ANK3: variants seen among roughly 807,000 people sequenced by gnomAD.
The protein encoded by ANK3 is ankyrin-3.
In ANK3, 57 loss-of-function variants were observed where a neutral mutation model predicts 370.9. The ratio of observed to expected loss-of-function variants is 0.15; its 90% CI spans 0.12 to 0.19. The LOEUF (loss-of-function observed/expected upper bound fraction) is 0.19, where lower values mean the gene tolerates loss of function less well. Ranked by LOEUF, ANK3 falls within the 10% of genes least tolerant of loss-of-function variation. The pLI is 1.00. For synonymous variants in ANK3, 1,929 were observed against 1,946.3 expected (o/e 0.99, Z 0.23); for missense variants, 4,439 against 5,302.1 (o/e 0.84, Z 5.06).
intron 1 of ANK3, among the ~76,000 whole-genome samples, chr10:60,644,900 A>AAAAC (rs954827337): frequency 6.6e-6 from 1 of 151,014 alleles, no homozygotes; most frequent in Non-Finnish European, 1.5e-5. Context: ...TAAAAAAAAA[A>AAAAC]AAAACGATGA....
In ANK3 at chr10:60,186,664, G is replaced by A. The variant is rs375201811; in HGVS notation, c.2085+51C>T. 2.5e-5 allele frequency: 39 copies of A among 1,563,276 alleles called. No homozygotes were observed. The African/African-American group carries it at 5.1e-4, about 21-fold the overall frequency. On this transcript the variant is annotated intron_variant, in intron 17 of 43. Coordinates refer to ENST00000280772, the MANE Select transcript of ANK3 (RefSeq NM_020987.5). Reference sequence around the variant, plus strand: ...TGTGAATTCTTAGTGACCTTTCTGAGGGGTGAGGTTTTGGTGTGCTGCATG... The same window carrying A: ...TGTGAATTCTTAGTGACCTTTCTGAAGGGTGAGGTTTTGGTGTGCTGCATG...
chr10:60,147,749 C>G (rs10994222), intron 23 of ANK3, among the ~76,000 whole-genome samples: 9,548 of 152,232 alleles, frequency 0.063, 479 homozygotes, highest in East Asian at 0.23. Context: ...ACTGGCTCCC[C>G]CTTTGCCTTC....
At chr10:60,041,493 A>G (rs1379734945) in intron 43 of ANK3, among the ~76,000 whole-genome samples, 1 of 152,180 alleles carries the variant, frequency 6.6e-6, no homozygotes, top group East Asian at 1.9e-4. Context: ...AATTTATTTA[A>G]CCACTTTGGG....
intron 2 of ANK3, among the ~76,000 whole-genome samples, chr10:60,602,486 C>T (rs947635912): frequency 6.6e-6 from 1 of 152,028 alleles, no homozygotes; most frequent in Non-Finnish European, 1.5e-5. Context: ...TGGAATTATC[C>T]CCAAGGATAC....
chr10:60,148,859 A>T (rs1326166643), intron 23 of ANK3, among the ~76,000 whole-genome samples: 1 of 152,224 alleles, frequency 6.6e-6, no homozygotes, highest in African/African-American at 2.4e-5. Context: ...AGGTGGCAGT[A>T]TCATGACAGC....
intron 1 of ANK3, among the ~76,000 whole-genome samples, chr10:60,712,630 A>G (rs1418492292): frequency 1.3e-5 from 2 of 152,182 alleles, no homozygotes; most frequent in African/African-American, 4.8e-5. Flanking sequence ...TTTAAACACA[A>G]AGGGTTTAAA....
At chr10:60,571,055 G>GTTTTTT (rs35835220) in intron 2 of ANK3, among the ~76,000 whole-genome samples, 1 of 133,554 alleles carries the variant, frequency 7.5e-6, no homozygotes. Flanking sequence ...AACCTGACAG[G>GTTTTTT]TTTTTTTTTT....
chr10:60,086,739 CCTT>C lies in ANK3; in HGVS notation c.3683_3685del (p.Glu1228del), dbSNP rs1564907199. On this transcript the variant is annotated inframe_deletion, in exon 30 of 44. Transcript: ENST00000280772. The stretch of plus-strand genomic sequence containing the variant: ...GTCCCCTTTGTATCCATTGGATACA[CCTT>C]CTCCTGAGGGCGGGGGCACCGGAAT... 13 of 1,613,848 alleles carry C rather than the reference CCTT, an allele frequency of 8.1e-6. No homozygotes were observed. The highest frequency in any genetic ancestry group is 1.1e-5 in the Non-Finnish European group (13 of 1,179,902).
intron 25 of ANK3, among the ~76,000 whole-genome samples, chr10:60,118,011 T>C (rs1430848072): frequency 6.6e-6 from 1 of 152,068 alleles, no homozygotes; most frequent in Non-Finnish European, 1.5e-5. Context: ...GGGAAGTCAA[T>C]AAATAATTCC....
intron 7 of ANK3, among the ~76,000 whole-genome samples, chr10:60,250,479 C>T (rs565460357): frequency 2.4e-4 from 36 of 152,314 alleles, no homozygotes; most frequent in African/African-American, 8.4e-4. Flanking sequence ...ATTCTCCTGC[C>T]TCAGCCTCCC....
intron 23 of ANK3, among the ~76,000 whole-genome samples, chr10:60,165,975 A>G (rs1215477960): frequency 6.6e-6 from 1 of 152,248 alleles, no homozygotes; most frequent in African/African-American, 2.4e-5. Flanking sequence ...ATATATCTGT[A>G]TATCATGACC....
intron 1 of ANK3, among the ~76,000 whole-genome samples, chr10:60,684,259 G>T (rs1024435758): frequency 6.6e-6 from 1 of 152,196 alleles, no homozygotes; most frequent in African/African-American, 2.4e-5. Flanking sequence ...TGGAGCTGCC[G>T]GACAACCACC....
rs146701409 is a variant in ANK3 at position 60,128,018 on chromosome 10, T to C, written c.2841+6253A>G. ...GGCCAGTTCTTCATACTTTTTATAA[T>C]TGTTACTGAATATGTCAGTTCTTTT... is the stretch of plus-strand genomic sequence containing the variant. On this transcript the variant is annotated intron_variant, in intron 25 of 43. Transcript: ENST00000280772. 1.7e-3 allele frequency among the ~76,000 whole-genome samples: 264 copies of C among 152,222 alleles called. 1 individual carries two copies. The highest frequency in any genetic ancestry group is 0.014 in the Middle Eastern group (4 of 294).
At chr10:60,446,830 C>T (rs536542317) in intron 2 of ANK3, among the ~76,000 whole-genome samples, 2 of 152,176 alleles carry the variant, frequency 1.3e-5, no homozygotes, top group South Asian at 2.1e-4. Flanking sequence ...ATGAAAATGC[C>T]TTTGAAAAAA....
intron 8 of ANK3, among the ~76,000 whole-genome samples, chr10:60,233,292 G>T (rs2132532390): frequency 6.6e-6 from 1 of 152,238 alleles, no homozygotes; most frequent in East Asian, 1.9e-4. Flanking sequence ...GCCTACCTAA[G>T]TCAGCTAGCT....
At chr10:60,211,329 A>G (rs2096851174) in intron 9 of ANK3, among the ~76,000 whole-genome samples, 1 of 152,074 alleles carries the variant, frequency 6.6e-6, no homozygotes, top group Non-Finnish European at 1.5e-5. Context: ...AGTGACGAGG[A>G]TCTGGACCAA....
chr10:60,504,763 C>T (rs1432112832), intron 2 of ANK3, among the ~76,000 whole-genome samples: 2 of 152,090 alleles, frequency 1.3e-5, no homozygotes, highest in African/African-American at 4.8e-5. Flanking sequence ...TATAGGACCC[C>T]TGGTCAAATT....
chr10:60,586,876 G>A (rs1370150103), intron 2 of ANK3, among the ~76,000 whole-genome samples: 1 of 152,142 alleles, frequency 6.6e-6, no homozygotes, highest in Non-Finnish European at 1.5e-5. Context: ...GCCACTAGGG[G>A]TTACGGCAGC....
chr10:60,203,989 T>G (rs189524607), intron 11 of ANK3, among the ~76,000 whole-genome samples: 24 of 152,352 alleles, frequency 1.6e-4, no homozygotes, highest in African/African-American at 4.3e-4. Flanking sequence ...TAAAACATTT[T>G]TTTTAGTATG....
Sources: allele counts gnomAD v4.1 joint callset (sites outside exome capture counted in the v4.1 genomes callset), GRCh38; gene constraint gnomAD v4.1.1; transcripts MANE v1.5; gene names NCBI Gene and HGNC (gene_info 2026-07-23, HGNC 2026-07-21).